APBB2: variants seen among roughly 807,000 people sequenced by gnomAD.
APBB2 encodes amyloid beta precursor protein binding family B member 2, also known as Fe65-like 1.
Under a neutral mutation model 82.5 loss-of-function variants are expected in APBB2, and 38 were observed. The ratio of observed to expected loss-of-function variants is 0.46; its 90% CI spans 0.36 to 0.60. The LOEUF (loss-of-function observed/expected upper bound fraction) is 0.60, where lower values mean the gene tolerates loss of function less well. Among genes scored for constraint, APBB2 ranks in the 20% least tolerant of loss-of-function variants. APBB2 has a pLI of 0.00. For missense variants in APBB2, 772 were observed against 972.3 expected (o/e 0.79, Z 2.74); for synonymous variants, 341 against 368.2 (o/e 0.93, Z 0.85).
chr4:40,854,813 G>C (rs993522842), intron 12 of APBB2, among the ~76,000 whole-genome samples: 1 of 138,740 alleles, frequency 7.2e-6, no homozygotes, highest in African/African-American at 2.9e-5. Flanking sequence ...AAAAAAAGAA[G>C]AAAGAAAAAG....
At chr4:41,171,446 G>A (rs1351830709) in intron 1 of APBB2, among the ~76,000 whole-genome samples, 1 of 152,168 alleles carries the variant, frequency 6.6e-6, no homozygotes, top group Non-Finnish European at 1.5e-5. Flanking sequence ...TCTAAAGCAG[G>A]GGAAGGTGTC....
chr4:40,933,955 C>G (rs1298722357), intron 10 of APBB2, among the ~76,000 whole-genome samples: 4 of 152,194 alleles, frequency 2.6e-5, no homozygotes, highest in African/African-American at 9.7e-5. Flanking sequence ...AGTCCAGAAA[C>G]AAAATGGACA....
intron 3 of APBB2, among the ~76,000 whole-genome samples, chr4:41,091,311 C>T (rs534333164): frequency 6.6e-6 from 1 of 152,162 alleles, no homozygotes; most frequent in East Asian, 1.9e-4. Context: ...TTTGCTCCAA[C>T]CTCCACTTCT....
intron 6 of APBB2, among the ~76,000 whole-genome samples, chr4:40,963,937 A>G (rs149816807): frequency 3.6e-4 from 55 of 152,336 alleles, no homozygotes; most frequent in African/African-American, 1.3e-3. Context: ...ATGGAGCCCA[A>G]AACAGAAAGG....
At chr4:41,073,960 GTCAA>G (rs1231277108) in intron 3 of APBB2, among the ~76,000 whole-genome samples, 3 of 152,068 alleles carry the variant, frequency 2.0e-5, no homozygotes, top group African/African-American at 7.2e-5. Context: ...CAATTAAGCA[GTCAA>G]TCAATATGCT....
Position 41,000,871 on chromosome 4 carries a change from A to C in APBB2, c.835+12712T>G, listed in dbSNP as rs75459038. ...CCAAGCACACAAAGTTAAAAAAAAA[A>C]GGAGACAGAGAGAGAGATAGGACAT... On this transcript the variant is annotated intron_variant, in intron 6 of 17. Transcript: ENST00000508593. Among the ~76,000 whole-genome samples, 7 of 152,220 alleles carry C rather than the reference A, an allele frequency of 4.6e-5. 1 individual carries two copies. In the East Asian group the frequency reaches 1.4e-3, roughly 29 times the overall value.
intron 5 of APBB2, among the ~76,000 whole-genome samples, chr4:41,022,018 AACAAACTCCAG>A (rs1711740859): frequency 6.6e-6 from 1 of 152,140 alleles, no homozygotes. Context: ...CATCTAAAGG[AACAAACTCCAG>A]ACACACCATC....
chr4:41,023,988 C>T (rs531930999), intron 5 of APBB2, among the ~76,000 whole-genome samples: 2 of 152,218 alleles, frequency 1.3e-5, no homozygotes, highest in African/African-American at 4.8e-5. Flanking sequence ...CAAGAACACA[C>T]AGACCAATGG....
chr4:40,950,115 C>T (rs969308042), intron 6 of APBB2, among the ~76,000 whole-genome samples: 5 of 152,286 alleles, frequency 3.3e-5, no homozygotes, highest in African/African-American at 9.6e-5. Context: ...TCTTAAAATG[C>T]CTCAAGTCAC....
In APBB2 at chr4:41,061,308, T is replaced by C. The variant is rs535720957; in HGVS notation, c.-51+4268A>G. 2.0e-5 allele frequency among the ~76,000 whole-genome samples: 3 copies of C among 152,324 alleles called. No individual in the cohort carries two copies. The South Asian group carries it at 6.2e-4, about 32-fold the overall frequency. ...ACAGAAATACATTCTGAGAAATGCA[T>C]CGTTGGGCGATTTCATTGCTGTGCA... On this transcript the variant is annotated intron_variant, in intron 4 of 17. Coordinates refer to ENST00000508593, the MANE Select transcript of APBB2 (RefSeq NM_004307.2).
At chr4:40,866,521 C>A (rs1002944268) in intron 12 of APBB2, among the ~76,000 whole-genome samples, 1 of 152,116 alleles carries the variant, frequency 6.6e-6, no homozygotes, top group African/African-American at 2.4e-5. Context: ...TCCTATTCCA[C>A]CTATGTGCCC....
At chr4:41,162,645 G>A (rs1246688316) in intron 1 of APBB2, among the ~76,000 whole-genome samples, 1 of 152,092 alleles carries the variant, frequency 6.6e-6, no homozygotes, top group Non-Finnish European at 1.5e-5. Flanking sequence ...CTTGAGCCCT[G>A]GAGTTTGAGA....
chr4:40,841,449 G>A (rs1865606), intron 12 of APBB2, among the ~76,000 whole-genome samples: 3,114 of 152,202 alleles, frequency 0.02, 57 homozygotes, highest in Middle Eastern at 0.041. Context: ...ACGGGCAGGC[G>A]GACATGCAGA....
At chr4:41,130,154 G>C (rs1446898932) in intron 2 of APBB2, among the ~76,000 whole-genome samples, 1 of 152,140 alleles carries the variant, frequency 6.6e-6, no homozygotes. Flanking sequence ...GCTGTGATGG[G>C]GCCAGCATTC....
chr4:41,099,691 CTTGTT>C, intron 3 of APBB2, among the ~76,000 whole-genome samples: 1 of 152,178 alleles, frequency 6.6e-6, no homozygotes, highest in East Asian at 1.9e-4. Context: ...TCTGTTCTGT[CTTGTT>C]TTATTTTAAA....
At chr4:40,958,542 A>G (rs1578750185) in intron 6 of APBB2, among the ~76,000 whole-genome samples, 1 of 152,220 alleles carries the variant, frequency 6.6e-6, no homozygotes, top group East Asian at 1.9e-4. Flanking sequence ...TAATAATGAA[A>G]GGAGAATGGG....
intron 2 of APBB2, among the ~76,000 whole-genome samples, chr4:41,108,933 C>T (rs1020380102): frequency 6.6e-6 from 1 of 152,244 alleles, no homozygotes; most frequent in Non-Finnish European, 1.5e-5. Flanking sequence ...ATCCTCAAGG[C>T]CACACAGGCC....
intron 12 of APBB2, among the ~76,000 whole-genome samples, chr4:40,885,418 G>T (rs115612233): frequency 6.6e-6 from 1 of 152,138 alleles, no homozygotes; most frequent in Non-Finnish European, 1.5e-5. Context: ...CATAGTACTC[G>T]GCCAGTGAGG....
chr4:40,989,567 GTT>G (rs1466311844), intron 6 of APBB2, among the ~76,000 whole-genome samples: 1 of 152,000 alleles, frequency 6.6e-6, no homozygotes, highest in Non-Finnish European at 1.5e-5. Context: ...GATGTGGCCA[GTT>G]TTCCAAACTA....
Sources: gnomAD v4.1 joint callset for allele counts (sites outside exome capture counted in the v4.1 genomes callset) on GRCh38, gnomAD v4.1.1 for gene constraint, MANE v1.5 for transcripts, NCBI Gene and HGNC (gene_info 2026-07-23, HGNC 2026-07-21) for gene names.